Variants in IL1RAPL1 observed in about 807,000 individuals in gnomAD.
The protein encoded by IL1RAPL1 is interleukin 1 receptor accessory protein like 1.
IL1RAPL1 carries 3 observed loss-of-function variants against 48.4 expected under a neutral mutation model. The ratio of observed to expected loss-of-function variants is 0.06; its 90% CI spans 0.03 to 0.16. The LOEUF is 0.16. Ranked by LOEUF, IL1RAPL1 falls within the 10% of genes least tolerant of loss-of-function variation. The probability of loss-of-function intolerance (pLI) is 1.00; values close to 1 mark genes in which losing one functional copy is unlikely to be tolerated. For synonymous variants in IL1RAPL1, 185 were observed against 187.7 expected (o/e 0.99, Z 0.12); for missense variants, 349 against 530.6 (o/e 0.66, Z 3.36).
At chrX:29,132,314 CAT>C (rs1929038835) in intron 2 of IL1RAPL1, among the ~76,000 whole-genome samples, 1 of 111,825 alleles carries the variant, frequency 8.9e-6, no homozygotes, top group African/African-American at 3.2e-5. Flanking sequence ...ACTGTGGTCT[CAT>C]AAGATTATAA....
intron 5 of IL1RAPL1, among the ~76,000 whole-genome samples, chrX:29,448,439 A>G (rs1370802204): frequency 8.9e-6 from 1 of 112,327 alleles, no homozygotes; most frequent in Non-Finnish European, 1.9e-5. Flanking sequence ...ACTTGTCAAC[A>G]TTAATCTGTT....
intron 5 of IL1RAPL1, among the ~76,000 whole-genome samples, chrX:29,652,283 A>G (rs1166130110): frequency 8.9e-6 from 1 of 112,048 alleles, no homozygotes; most frequent in Non-Finnish European, 1.9e-5. Context: ...AAATGTGTAG[A>G]AGGAAAAGTT....
chrX:29,239,943 CCT>C (rs1446439711), intron 2 of IL1RAPL1, among the ~76,000 whole-genome samples: 1 of 108,157 alleles, frequency 9.2e-6, no homozygotes, highest in Non-Finnish European at 1.9e-5. Context: ...GCCATATCTA[CCT>C]CTCTGACTCT....
chrX:29,366,563 T>C (rs1933459605), intron 3 of IL1RAPL1, among the ~76,000 whole-genome samples: 8 of 67,493 alleles, frequency 1.2e-4, no homozygotes, highest in Non-Finnish European at 2.2e-4. Flanking sequence ...ATTTTTTTTT[T>C]TTTTTTTTTT....
At chrX:29,058,206 G>A (rs182809043) in intron 2 of IL1RAPL1, among the ~76,000 whole-genome samples, 167 of 109,874 alleles carry the variant, frequency 1.5e-3, no homozygotes, top group African/African-American at 5.2e-3. Flanking sequence ...AAACCCCCCC[G>A]TCTCTACCAA....
chrX:29,812,760 C>T (rs1306456235), intron 6 of IL1RAPL1, among the ~76,000 whole-genome samples: 3 of 111,639 alleles, frequency 2.7e-5, no homozygotes, highest in East Asian at 2.8e-4. Context: ...AAGCTTTACC[C>T]ATTTTTCATA....
At chrX:29,710,424 A>C in intron 6 of IL1RAPL1, among the ~76,000 whole-genome samples, 1 of 108,061 alleles carries the variant, frequency 9.3e-6, no homozygotes, top group Non-Finnish European at 1.9e-5. Context: ...TGAGATGATT[A>C]TATGATTTTT....
chrX:29,451,723 T>C (rs1156841337), intron 5 of IL1RAPL1, among the ~76,000 whole-genome samples: 2 of 111,874 alleles, frequency 1.8e-5, no homozygotes, highest in Non-Finnish European at 3.8e-5. Context: ...AATACATAAA[T>C]GTTAAAAAAT....
At chrX:29,508,109 A>G (rs988201254) in intron 5 of IL1RAPL1, among the ~76,000 whole-genome samples, 1 of 111,728 alleles carries the variant, frequency 9.0e-6, no homozygotes, top group African/African-American at 3.3e-5. Flanking sequence ...GTTTTTTTTA[A>G]TACTTAAAAA....
intron 2 of IL1RAPL1, among the ~76,000 whole-genome samples, chrX:28,792,663 T>C (rs1416797499): frequency 1.0e-5 from 1 of 100,067 alleles, no homozygotes; most frequent in Non-Finnish European, 2.0e-5. Flanking sequence ...TGGCGGGTGC[T>C]TGTAGTCCCA....
intron 2 of IL1RAPL1, among the ~76,000 whole-genome samples, chrX:28,857,587 A>G (rs995364628): frequency 1.8e-5 from 2 of 111,373 alleles, no homozygotes; most frequent in Middle Eastern, 4.7e-3. Flanking sequence ...TGCTCTATAC[A>G]TGCAAGAACA....
intron 1 of IL1RAPL1, among the ~76,000 whole-genome samples, chrX:28,678,394 C>T (rs904328526): frequency 9.0e-6 from 1 of 111,050 alleles, no homozygotes; most frequent in African/African-American, 3.3e-5. Context: ...AATTTTAAGG[C>T]AAGCACATAA....
At chrX:29,725,255 C>G (rs1327056108) in intron 6 of IL1RAPL1, among the ~76,000 whole-genome samples, 3 of 111,091 alleles carry the variant, frequency 2.7e-5, no homozygotes, top group Admixed American at 1.9e-4. Context: ...TCATTTAGGG[C>G]ACAATCTCTC....
chrX:28,936,236 T>A (rs756567272), intron 2 of IL1RAPL1, among the ~76,000 whole-genome samples: 1 of 110,762 alleles, frequency 9.0e-6, no homozygotes, highest in African/African-American at 3.3e-5. Context: ...AGTTTTGAGG[T>A]TTTTTCAGAT....
intron 2 of IL1RAPL1, among the ~76,000 whole-genome samples, chrX:28,997,051 A>G (rs766696189): frequency 4.0e-4 from 45 of 111,245 alleles, no homozygotes; most frequent in Non-Finnish European, 7.7e-4. Flanking sequence ...GGACTTACCC[A>G]GTGCGCAGAT....
chrX:28,797,942 A>G (rs1402293445), intron 2 of IL1RAPL1, among the ~76,000 whole-genome samples: 4 of 112,033 alleles, frequency 3.6e-5, no homozygotes, highest in Non-Finnish European at 5.6e-5. Context: ...TCGTGGTGGA[A>G]GGCAAGGAGT....
chrX:28,752,323 G>A (rs1348697505), intron 1 of IL1RAPL1, among the ~76,000 whole-genome samples: 1 of 111,438 alleles, frequency 9.0e-6, no homozygotes, highest in African/African-American at 3.3e-5. Flanking sequence ...TACTGTATTA[G>A]TCAGGGATTG....
At chrX:28,941,341 C>A (rs1271384027) in intron 2 of IL1RAPL1, among the ~76,000 whole-genome samples, 1 of 111,026 alleles carries the variant, frequency 9.0e-6, no homozygotes, top group Non-Finnish European at 1.9e-5. Context: ...AAGCTCTCTG[C>A]AAGATATTTA....
intron 6 of IL1RAPL1, among the ~76,000 whole-genome samples, chrX:29,719,949 A>C (rs1176256544): frequency 1.8e-5 from 2 of 110,842 alleles, no homozygotes; most frequent in Non-Finnish European, 3.8e-5. Flanking sequence ...CCTTTTCTTG[A>C]AGTGAAAACT....
Sources: gnomAD v4.1 joint callset for allele counts (sites outside exome capture counted in the v4.1 genomes callset) on GRCh38, gnomAD v4.1.1 for gene constraint, MANE v1.5 for transcripts, NCBI Gene and HGNC (gene_info 2026-07-23, HGNC 2026-07-21) for gene names.